Variants in LINGO2 observed in about 807,000 individuals in gnomAD.
The protein encoded by LINGO2 is leucine rich repeat and Ig domain containing 2, also known as leucine-rich repeat and immunoglobulin-like domain-containing nogo receptor-interacting protein 2.
A neutral mutation model predicts 30.6 loss-of-function variants in LINGO2; 14 were observed. That is an observed-to-expected ratio of 0.46 (90% CI 0.30 to 0.72). LINGO2 has a LOEUF of 0.72. Ranked by LOEUF, LINGO2 falls within the 30% of genes least tolerant of loss-of-function variation. The probability of loss-of-function intolerance (pLI) is 0.07; values close to 1 mark genes in which losing one functional copy is unlikely to be tolerated. For missense variants in LINGO2, 729 were observed against 751.7 expected, an observed-to-expected ratio of 0.97 and a Z score of 0.35; for synonymous variants, 317 against 288.5, an observed-to-expected ratio of 1.10 and a Z score of -1.00.
intron 3 of LINGO2, among the ~76,000 whole-genome samples, chr9:28,307,658 C>A (rs1314525824): frequency 3.9e-5 from 6 of 152,158 alleles, no homozygotes; most frequent in Admixed American, 2.0e-4. Flanking sequence ...TTGCAGATGA[C>A]ATGATTGTAT....
the LINGO2 span, among the ~76,000 whole-genome samples, chr9:28,684,175 C>CTCTTTT: frequency 2.2e-5 from 1 of 45,430 alleles, no homozygotes; most frequent in Non-Finnish European, 3.8e-5. Flanking sequence ...AAATGTTTAT[C>CTCTTTT]TTTTTTTTTT....
chr9:28,590,141 T>C (rs1247456929), intron 1 of LINGO2, among the ~76,000 whole-genome samples: 3 of 152,120 alleles, frequency 2.0e-5, no homozygotes, highest in Non-Finnish European at 4.4e-5. Flanking sequence ...TGACACCTTA[T>C]ACAAAAATTA....
rs568923445 is a variant in LINGO2 at position 28,597,066 on chromosome 9, A to T, written c.-365+73134T>A. Among the ~76,000 whole-genome samples, 38 of 152,326 alleles carry T rather than the reference A, an allele frequency of 2.5e-4. 1 individual carries two copies. In the South Asian group the frequency reaches 3.3e-3, roughly 13 times the overall value. Reference sequence around the variant, plus strand: ...AAAGCAATGATTCAATGATAAAACTATGAGAAAAATACAAAGATATTCTTC... The same window carrying T: ...AAAGCAATGATTCAATGATAAAACTTTGAGAAAAATACAAAGATATTCTTC... On this transcript the variant is annotated intron_variant, in intron 1 of 5. Coordinates refer to ENST00000379992, the Ensembl canonical transcript of LINGO2.
intron 3 of LINGO2, among the ~76,000 whole-genome samples, chr9:28,326,652 A>G (rs1338591265): frequency 6.6e-6 from 1 of 152,222 alleles, no homozygotes; most frequent in Non-Finnish European, 1.5e-5. Context: ...AATCCTCAGA[A>G]CATAGCACAG....
At chr9:28,788,838 G>A in the LINGO2 span, among the ~76,000 whole-genome samples, 2 of 152,202 alleles carry the variant, frequency 1.3e-5, no homozygotes, top group Middle Eastern at 3.4e-3. Flanking sequence ...GGGGAGTATG[G>A]GGATTACAAT....
chr9:28,092,422 C>T (rs1318722705), intron 4 of LINGO2, among the ~76,000 whole-genome samples: 1 of 151,838 alleles, frequency 6.6e-6, no homozygotes, highest in African/African-American at 2.4e-5. Flanking sequence ...TGGAAACCAT[C>T]ATTCTCAGCA....
chr9:29,189,248 C>T, the LINGO2 span, among the ~76,000 whole-genome samples: 2 of 149,212 alleles, frequency 1.3e-5, no homozygotes, highest in African/African-American at 2.5e-5. Flanking sequence ...ACCTCCCGGA[C>T]GGGGCGGCTG....
At chr9:29,188,933 G>C in the LINGO2 span, among the ~76,000 whole-genome samples, 1 of 145,632 alleles carries the variant, frequency 6.9e-6, no homozygotes, top group African/African-American at 2.5e-5. Context: ...CTCACCTCCC[G>C]GACGGGGTGG....
the LINGO2 span, among the ~76,000 whole-genome samples, chr9:28,755,019 T>C: frequency 6.6e-6 from 1 of 152,014 alleles, no homozygotes; most frequent in Non-Finnish European, 1.5e-5. Flanking sequence ...ATTACATTAA[T>C]AATTAATGGC....
chr9:28,015,891 A>G (rs538386053), intron 4 of LINGO2, among the ~76,000 whole-genome samples: 3 of 152,008 alleles, frequency 2.0e-5, no homozygotes, highest in Non-Finnish European at 4.4e-5. Context: ...GATGCAATGG[A>G]GAGCAAAGCA....
At chr9:28,454,381 C>T (rs1824762458) in intron 2 of LINGO2, among the ~76,000 whole-genome samples, 1 of 151,754 alleles carries the variant, frequency 6.6e-6, no homozygotes, top group South Asian at 2.1e-4. Context: ...AAACACAGGC[C>T]ACCTTCAAAC....
At chr9:28,890,263 G>A in the LINGO2 span, among the ~76,000 whole-genome samples, 1 of 151,922 alleles carries the variant, frequency 6.6e-6, no homozygotes. Context: ...GATCTCAGTA[G>A]ACTTTCCTGT....
Position 28,435,732 on chromosome 9 carries a change from A to G in LINGO2, c.-279+40208T>C, listed in dbSNP as rs563982057. Among the ~76,000 whole-genome samples, 3 of 152,352 alleles carry G rather than the reference A, an allele frequency of 2.0e-5. No individual in the cohort carries two copies. The South Asian group carries it at 6.2e-4, about 32-fold the overall frequency. ...TATCAAGTAGCTCTCTCCTTGGAGA[A>G]TGAGTATCAGACTAAGAAGGAAAGT... On this transcript the variant is annotated intron_variant, in intron 2 of 5. Coordinates refer to ENST00000379992, the Ensembl canonical transcript of LINGO2.
the LINGO2 span, among the ~76,000 whole-genome samples, chr9:29,020,592 A>G: frequency 2.0e-5 from 3 of 152,190 alleles, no homozygotes; most frequent in South Asian, 6.2e-4. Context: ...ACCCAAGCTC[A>G]ATGTGGAAGC....
At chr9:28,914,199 T>C in the LINGO2 span, among the ~76,000 whole-genome samples, 1 of 152,166 alleles carries the variant, frequency 6.6e-6, no homozygotes, top group African/African-American at 2.4e-5. Context: ...AATACATTTG[T>C]GTATACAAAC....
At chr9:29,155,542 CTG>C in the LINGO2 span, among the ~76,000 whole-genome samples, 10 of 143,974 alleles carry the variant, frequency 6.9e-5, no homozygotes, top group Middle Eastern at 3.6e-3. Flanking sequence ...TTTTAGAAAA[CTG>C]TGAGGGTTTT....
chr9:29,023,506 A>G, the LINGO2 span, among the ~76,000 whole-genome samples: 2 of 152,118 alleles, frequency 1.3e-5, no homozygotes, highest in Non-Finnish European at 2.9e-5. Flanking sequence ...CTTTCATTTA[A>G]AGGATTTTAT....
chr9:28,530,541 G>C (rs1821193293), intron 1 of LINGO2, among the ~76,000 whole-genome samples: 1 of 152,124 alleles, frequency 6.6e-6, no homozygotes, highest in Non-Finnish European at 1.5e-5. Context: ...GTATAAAGTT[G>C]TTTCTTTCAA....
the LINGO2 span, among the ~76,000 whole-genome samples, chr9:28,846,438 G>A: frequency 8.0e-5 from 10 of 125,774 alleles, 1 homozygote; most frequent in African/African-American, 2.9e-4. Context: ...TAAGATTCCC[G>A]ATTTATTGCA....
Sources: gnomAD v4.1 joint callset for allele counts (sites outside exome capture counted in the v4.1 genomes callset) on GRCh38, gnomAD v4.1.1 for gene constraint, MANE v1.5 for transcripts, NCBI Gene and HGNC (gene_info 2026-07-23, HGNC 2026-07-21) for gene names.